Variants in FARS2 observed in about 807,000 individuals in gnomAD.
FARS2 encodes the protein phenylalanine--tRNA ligase, mitochondrial.
FARS2 carries 40 observed loss-of-function variants against 46.4 expected under a neutral mutation model. The observed-to-expected ratio is 0.86, with a 90% CI of 0.67 to 1.12. The LOEUF (loss-of-function observed/expected upper bound fraction) is 1.12. FARS2 is among the 50% of genes most tolerant of loss of function. FARS2 has a pLI of 0.00. For missense variants in FARS2, 513 were observed against 567.9 expected (o/e 0.90, Z 0.98); for synonymous variants, 234 against 214.9 (o/e 1.09, Z -0.78).
At chr6:5,722,115 T>G (rs1295766863) in intron 6 of FARS2, among the ~76,000 whole-genome samples, 3 of 152,200 alleles carry the variant, frequency 2.0e-5, no homozygotes, top group Admixed American at 2.0e-4. Flanking sequence ...TGTGAGATGG[T>G]AAAAAATGCA....
chr6:5,399,249 A>C (rs1364967281), intron 2 of FARS2, among the ~76,000 whole-genome samples: 2 of 150,778 alleles, frequency 1.3e-5, no homozygotes, highest in Non-Finnish European at 3.0e-5. Flanking sequence ...ATGTAGGCGC[A>C]CTGCAATTCC....
At chr6:5,754,868 C>T (rs1298629243) in intron 6 of FARS2, among the ~76,000 whole-genome samples, 3 of 152,160 alleles carry the variant, frequency 2.0e-5, no homozygotes, top group Non-Finnish European at 4.4e-5. Flanking sequence ...TACAATGTGA[C>T]TAATACAGTT....
At chr6:5,256,648 G>A (rs1764693792), upstream of FARS2, among the ~76,000 whole-genome samples, 1 of 151,944 alleles carries the variant, frequency 6.6e-6, no homozygotes, top group South Asian at 2.1e-4. Flanking sequence ...ACTTGCGTGG[G>A]GTCACACAGA....
chr6:5,610,257 A>G (rs1184653597), intron 5 of FARS2: 8 of 497,338 alleles, frequency 1.6e-5, no homozygotes, highest in East Asian at 9.0e-5. Context: ...ACGAGCAGAA[A>G]GTAGCAAGCT....
At chr6:5,540,537 C>T (rs1460820739) in intron 4 of FARS2, among the ~76,000 whole-genome samples, 4 of 152,204 alleles carry the variant, frequency 2.6e-5, no homozygotes, top group Non-Finnish European at 4.4e-5. Context: ...TTCGCACTGT[C>T]GTGTCTTCAG....
At chr6:5,742,478 T>C (rs1761405225) in intron 6 of FARS2, among the ~76,000 whole-genome samples, 1 of 152,212 alleles carries the variant, frequency 6.6e-6, no homozygotes, top group Non-Finnish European at 1.5e-5. Flanking sequence ...CCCCATTATA[T>C]GTAGTACCTT....
intron 4 of FARS2, among the ~76,000 whole-genome samples, chr6:5,456,755 G>A (rs1007692960): frequency 8.0e-6 from 1 of 125,324 alleles, no homozygotes; most frequent in Admixed American, 8.2e-5. Context: ...AAAAGAGATG[G>A]GCAGGGTCAT....
chr6:5,450,080 G>A lies in FARS2; in HGVS notation c.904+18908G>A, dbSNP rs775266668. 8.5e-5 allele frequency among the ~76,000 whole-genome samples: 13 copies of A among 152,212 alleles called. No homozygotes were observed. The East Asian group carries it at 1.7e-3, about 20-fold the overall frequency. On this transcript the variant is annotated intron_variant, in intron 4 of 6. Coordinates refer to ENST00000274680, the MANE Select transcript of FARS2 (RefSeq NM_006567.5). Reference sequence around the variant, plus strand: ...ACCCACAGTTGGTTAAAAACAATCCGTGTAGAAGTGAACCTGTGTAGTTCC... The same window carrying A: ...ACCCACAGTTGGTTAAAAACAATCCATGTAGAAGTGAACCTGTGTAGTTCC...
At chr6:5,434,935 G>A (rs962002240) in intron 4 of FARS2, among the ~76,000 whole-genome samples, 2 of 152,214 alleles carry the variant, frequency 1.3e-5, no homozygotes, top group Admixed American at 1.3e-4. Flanking sequence ...AGCAATGATA[G>A]TGGCAGACAT....
intron 4 of FARS2, among the ~76,000 whole-genome samples, chr6:5,481,817 T>C (rs888523040): frequency 1.8e-5 from 2 of 111,434 alleles, no homozygotes; most frequent in African/African-American, 6.5e-5. Flanking sequence ...AAGACCCCCC[T>C]TGCTTCCAGA....
chr6:5,502,896 AT>A (rs918547230), intron 4 of FARS2, among the ~76,000 whole-genome samples: 2 of 151,518 alleles, frequency 1.3e-5, no homozygotes, highest in African/African-American at 4.8e-5. Flanking sequence ...GTTAATTCGA[AT>A]TTTTTTTTGT....
chr6:5,446,287 C>G (rs1055346641), intron 4 of FARS2, among the ~76,000 whole-genome samples: 1 of 151,702 alleles, frequency 6.6e-6, no homozygotes, highest in African/African-American at 2.4e-5. Flanking sequence ...ATAAGTAATT[C>G]AGAACATCCA....
intron 1 of FARS2, among the ~76,000 whole-genome samples, chr6:5,266,270 C>T (rs1461821523): frequency 2.0e-5 from 3 of 152,120 alleles, no homozygotes; most frequent in African/African-American, 7.2e-5. Context: ...AAAGGTAATA[C>T]ATCGGCTTTC....
At chr6:5,504,051 T>C (rs752040284) in intron 4 of FARS2, among the ~76,000 whole-genome samples, 6 of 152,196 alleles carry the variant, frequency 3.9e-5, no homozygotes, top group Non-Finnish European at 8.8e-5. Context: ...GCCTGCCAGC[T>C]AGAAGATATT....
intron 4 of FARS2, chr6:5,452,050 T>A (rs1318571554): frequency 6.6e-6 from 1 of 152,240 alleles, no homozygotes; most frequent in African/African-American, 2.4e-5. Context: ...GCTTAATTCC[T>A]ACTGGTTAGT....
Position 5,270,464 on chromosome 6 carries a change from G to A in FARS2, c.-22+8804G>A, listed in dbSNP as rs560107289. On this transcript the variant is annotated intron_variant, in intron 1 of 6. Coordinates refer to ENST00000274680, the MANE Select transcript of FARS2 (RefSeq NM_006567.5). ...ACGTTTCAGGACATAAGTGTGGTTC[G>A]CTAGAGCTGTCAAGCTGTCTGGATG... 2.7e-4 allele frequency among the ~76,000 whole-genome samples: 41 copies of A among 152,296 alleles called. No individual in the cohort carries two copies. The South Asian group carries it at 5.6e-3, about 21-fold the overall frequency.
Position 5,610,152 on chromosome 6 carries a change from A to G in FARS2, c.1066-3017A>G, listed in dbSNP as rs1775088996. The G allele has an allele frequency of 1.3e-5, 14 of 1,063,408 alleles. No homozygotes were observed. In the South Asian group the frequency reaches 1.9e-4, roughly 15 times the overall value. 65.9% of individuals were successfully genotyped at this position (1,063,408 alleles called of 1,614,324 possible). ...TTCAAAGCTCAACCCTCCAATGAAG[A>G]GCTTCCTCAGCTATTCGGGCTCTTT... On this transcript the variant is annotated intron_variant, in intron 5 of 6. Coordinates refer to ENST00000274680, the MANE Select transcript of FARS2 (RefSeq NM_006567.5).
chr6:5,682,713 T>C (rs969305645), intron 6 of FARS2, among the ~76,000 whole-genome samples: 2 of 152,228 alleles, frequency 1.3e-5, no homozygotes, highest in Non-Finnish European at 2.9e-5. Context: ...GGGACCAGGA[T>C]GACAAGGCTC....
chr6:5,281,309 G>A (rs978985224), intron 1 of FARS2, among the ~76,000 whole-genome samples: 1 of 152,198 alleles, frequency 6.6e-6, no homozygotes, highest in African/African-American at 2.4e-5. Context: ...AGAGGCATCA[G>A]GTTTAAAATA....
Sources: gnomAD v4.1 joint callset for allele counts (sites outside exome capture counted in the v4.1 genomes callset) on GRCh38, gnomAD v4.1.1 for gene constraint, MANE v1.5 for transcripts, NCBI Gene and HGNC (gene_info 2026-07-23, HGNC 2026-07-21) for gene names.